The following PTPRD variants were observed in gnomAD, a reference collection of about 807,000 sequenced individuals.
The protein encoded by PTPRD is receptor-type tyrosine-protein phosphatase delta.
In PTPRD, 34 loss-of-function variants were observed where a neutral mutation model predicts 214.5. The observed-to-expected ratio is 0.16, with a 90% confidence interval of 0.12 to 0.21. The LOEUF (loss-of-function observed/expected upper bound fraction) is 0.21, where lower values mean the gene tolerates loss of function less well. Ranked by LOEUF, PTPRD falls within the 10% of genes least tolerant of loss-of-function variation. The pLI is 1.00. For missense variants in PTPRD, 2,545 were observed against 2,398.7 expected (o/e 1.06, Z -1.27); for synonymous variants, 1,128 against 845.7 (o/e 1.33, Z -5.79).
At chr9:9,978,172 G>C (rs1433235437) in intron 4 of PTPRD, among the ~76,000 whole-genome samples, 1 of 151,862 alleles carries the variant, frequency 6.6e-6, no homozygotes, top group Non-Finnish European at 1.5e-5. Context: ...GTCAAAATCA[G>C]AAAACCAACA....
At chr9:10,042,047 A>G (rs555081875) in intron 3 of PTPRD, among the ~76,000 whole-genome samples, 1 of 152,196 alleles carries the variant, frequency 6.6e-6, no homozygotes, top group African/African-American at 2.4e-5. Flanking sequence ...ACAATGAATA[A>G]TGTTAAGAAA....
At chr9:10,146,053 T>G (rs2099020219) in intron 3 of PTPRD, among the ~76,000 whole-genome samples, 1 of 151,856 alleles carries the variant, frequency 6.6e-6, no homozygotes, top group Non-Finnish European at 1.5e-5. Context: ...AGATGTAATA[T>G]TTTTAGACTA....
chr9:9,485,837 C>T (rs2147328404), intron 8 of PTPRD, among the ~76,000 whole-genome samples: 1 of 152,230 alleles, frequency 6.6e-6, no homozygotes, highest in African/African-American at 2.4e-5. Context: ...CCATCAGTGT[C>T]TATGTCTGCC....
intron 14 of PTPRD, among the ~76,000 whole-genome samples, chr9:8,573,757 G>A (rs1363665263): frequency 6.6e-6 from 1 of 151,648 alleles, no homozygotes; most frequent in South Asian, 2.1e-4. Context: ...GAGTATTTAT[G>A]GAACATTACT....
intron 5 of PTPRD, among the ~76,000 whole-genome samples, chr9:9,833,023 G>C (rs2055433846): frequency 6.6e-6 from 1 of 151,894 alleles, no homozygotes; most frequent in African/African-American, 2.4e-5. Flanking sequence ...CTTTACTGGA[G>C]CCAAAATGGT....
At chr9:9,754,443 G>C (rs2098549988) in intron 6 of PTPRD, among the ~76,000 whole-genome samples, 1 of 152,020 alleles carries the variant, frequency 6.6e-6, no homozygotes, top group African/African-American at 2.4e-5. Flanking sequence ...CCCTCTTCAA[G>C]TTACTTAACA....
At chr9:9,906,919 G>T (rs184692471) in intron 5 of PTPRD, among the ~76,000 whole-genome samples, 1 of 151,844 alleles carries the variant, frequency 6.6e-6, no homozygotes, top group Non-Finnish European at 1.5e-5. Context: ...AATTCACTGC[G>T]TTTGTGGCCT....
At position 10,612,724 on chromosome 9, in the gene PTPRD, C is replaced by T; in HGVS notation, c.-744G>A. 1 of 152,686 alleles carries T rather than the reference C, an allele frequency of 6.5e-6. No homozygotes were observed. Among genetic ancestry groups the T allele is most frequent in the Non-Finnish European group, 1.5e-5 (1 of 68,386 alleles). The allele number at this position is 152,686 out of a possible 1,614,324, so 9.5% of individuals were successfully genotyped here. ...CCGCCGAGGCTGGCTGGCGGCGCCG[C>T]GCCGGAGGGGAGGAGGCTCGGGAGG... is the stretch of plus-strand genomic sequence containing the variant. On this transcript the variant is annotated 5_prime_UTR_variant, in exon 1 of 46. Coordinates refer to ENST00000381196, the MANE Select transcript of PTPRD (RefSeq NM_002839.4).
intron 39 of PTPRD, among the ~76,000 whole-genome samples, chr9:8,352,856 T>C (rs1000813735): frequency 1.1e-4 from 16 of 152,190 alleles, no homozygotes; most frequent in African/African-American, 3.6e-4. Flanking sequence ...CTCATGCCTG[T>C]AATCCCAGCG....
At chr9:8,614,287 T>A (rs546665772) in intron 14 of PTPRD, among the ~76,000 whole-genome samples, 1 of 152,156 alleles carries the variant, frequency 6.6e-6, no homozygotes, top group Non-Finnish European at 1.5e-5. Flanking sequence ...GGCAAAATAT[T>A]TGAGTTGCCC....
Position 10,554,881 on chromosome 9 carries a change from C to T in PTPRD, c.-600+57517G>A, listed in dbSNP as rs1346633789. 3.9e-5 allele frequency among the ~76,000 whole-genome samples: 6 copies of T among 152,204 alleles called. No individual in the cohort carries two copies. The East Asian group carries it at 9.7e-4, about 25-fold the overall frequency. On this transcript the variant is annotated intron_variant, in intron 2 of 45. Transcript: ENST00000381196. ...TTCACTGTGTTAGCCAGGATGGTCT[C>T]GATCTCCTGACCTCGTGATCCGCCC...
In PTPRD at chr9:9,706,030, C is replaced by T. The variant is rs369784338; in HGVS notation, c.-287+28503G>A. 1.1e-3 allele frequency among the ~76,000 whole-genome samples: 170 copies of T among 152,192 alleles called. 2 individuals are homozygous for T. The highest frequency in any genetic ancestry group is 3.9e-3 in the African/African-American group (164 of 41,530). ...AAATGGACATGATAATATCTTCTTGCAAATTAATCATGAGGATGAAGTTAA... is the reference window on the plus strand; with the variant it reads ...AAATGGACATGATAATATCTTCTTGTAAATTAATCATGAGGATGAAGTTAA... On this transcript the variant is annotated intron_variant, in intron 7 of 45. Coordinates refer to ENST00000381196, the MANE Select transcript of PTPRD (RefSeq NM_002839.4).
chr9:8,605,438 C>T (rs970226882), intron 14 of PTPRD, among the ~76,000 whole-genome samples: 1 of 152,072 alleles, frequency 6.6e-6, no homozygotes, highest in Admixed American at 6.6e-5. Flanking sequence ...TTGAGATGAC[C>T]TGAAACCATT....
At chr9:8,937,638 C>A (rs543438853) in intron 11 of PTPRD, among the ~76,000 whole-genome samples, 1 of 152,260 alleles carries the variant, frequency 6.6e-6, no homozygotes, top group South Asian at 2.1e-4. Context: ...CTAACCTTGA[C>A]TTTTTCACCC....
intron 9 of PTPRD, among the ~76,000 whole-genome samples, chr9:9,350,607 C>G (rs536302355): frequency 1.3e-5 from 2 of 151,980 alleles, no homozygotes; most frequent in East Asian, 3.9e-4. Context: ...TCATAAATAT[C>G]TTTGGTGATG....
At chr9:9,786,349 A>G (rs764330086) in intron 5 of PTPRD, among the ~76,000 whole-genome samples, 9 of 152,244 alleles carry the variant, frequency 5.9e-5, no homozygotes, top group Admixed American at 1.3e-4. Flanking sequence ...GGTTATATTC[A>G]TGGTGGAAAA....
intron 9 of PTPRD, among the ~76,000 whole-genome samples, chr9:9,292,872 T>G (rs1354847340): frequency 6.6e-6 from 1 of 151,460 alleles, no homozygotes; most frequent in Non-Finnish European, 1.5e-5. Context: ...TTTTCATGGT[T>G]AGATTGGGGT....
rs377324055 is a variant in PTPRD, at chr9:9,404,541, C to G, written c.-236-7059G>C. 3.9e-5 allele frequency among the ~76,000 whole-genome samples: 6 copies of G among 152,104 alleles called. 1 individual carries two copies. Among genetic ancestry groups the G allele is most frequent in the African/African-American group, 1.4e-4 (6 of 41,514 alleles). On this transcript the variant is annotated intron_variant, in intron 8 of 45. Coordinates refer to ENST00000381196, the MANE Select transcript of PTPRD (RefSeq NM_002839.4). ...GTGGTATTTACTGAGATGAGCAACA[C>G]TGGAATAGGAAAAATACACGTTTAC...
At chr9:8,385,224 G>A (rs987174362) in intron 37 of PTPRD, among the ~76,000 whole-genome samples, 6 of 152,100 alleles carry the variant, frequency 3.9e-5, no homozygotes, top group South Asian at 2.1e-4. Flanking sequence ...AGACCTGAGC[G>A]ACAGCTTAAG....
Sources: gnomAD v4.1 joint callset for allele counts (sites outside exome capture counted in the v4.1 genomes callset) on GRCh38, gnomAD v4.1.1 for gene constraint, MANE v1.5 for transcripts, NCBI Gene and HGNC (gene_info 2026-07-23, HGNC 2026-07-21) for gene names.